The following RGS7 variants were observed in gnomAD, a reference collection of about 807,000 sequenced individuals.
RGS7 encodes regulator of G-protein signaling 7.
RGS7 carries 27 observed loss-of-function variants against 81.1 expected under a neutral mutation model. That is an observed-to-expected ratio of 0.33 (90% CI 0.25 to 0.46). The LOEUF (loss-of-function observed/expected upper bound fraction) is 0.46. Among genes scored for constraint, RGS7 ranks in the 20% least tolerant of loss-of-function variants. The pLI is 1.00. For synonymous variants in RGS7, 208 were observed against 207.7 expected, an observed-to-expected ratio of 1.00 and a Z score of -0.01; for missense variants, 396 against 607.4, an observed-to-expected ratio of 0.65 and a Z score of 3.66.
chr1:241,287,867 A>G (rs775929812), intron 2 of RGS7, among the ~76,000 whole-genome samples: 14 of 152,208 alleles, frequency 9.2e-5, no homozygotes, highest in Non-Finnish European at 1.9e-4. Context: ...TGCAGGGGCC[A>G]TATTTTCTAA....
chr1:241,262,799 C>T (rs187500340), intron 2 of RGS7, among the ~76,000 whole-genome samples: 2 of 152,086 alleles, frequency 1.3e-5, no homozygotes, highest in South Asian at 2.1e-4. Flanking sequence ...CACAATACCT[C>T]ATCTATTTAA....
At chr1:241,199,685 G>GAA (rs35238658) in intron 2 of RGS7, among the ~76,000 whole-genome samples, 25,459 of 138,056 alleles carry the variant, frequency 0.18, 2,840 homozygotes, top group African/African-American at 0.33. Context: ...GTGGCTTCCA[G>GAA]AAAAAAAAAA....
chr1:241,100,081 T>C (rs1048924347), intron 2 of RGS7, among the ~76,000 whole-genome samples: 1 of 152,104 alleles, frequency 6.6e-6, no homozygotes, highest in Non-Finnish European at 1.5e-5. Flanking sequence ...TAATGAATTA[T>C]CAAATTTCCA....
intron 2 of RGS7, among the ~76,000 whole-genome samples, chr1:241,196,731 A>T (rs79254264): frequency 0.018 from 2,688 of 152,202 alleles, 35 homozygotes; most frequent in Non-Finnish European, 0.026. Flanking sequence ...AGTCTTATGG[A>T]TTCTTAAGTA....
intron 3 of RGS7, among the ~76,000 whole-genome samples, chr1:241,024,771 T>A (rs1353802974): frequency 6.6e-6 from 1 of 152,170 alleles, no homozygotes; most frequent in African/African-American, 2.4e-5. Flanking sequence ...TGATTTGAAA[T>A]GCTTATGTAT....
At chr1:240,946,150 T>C (rs1052164606) in intron 4 of RGS7, among the ~76,000 whole-genome samples, 3 of 152,174 alleles carry the variant, frequency 2.0e-5, no homozygotes, top group African/African-American at 7.2e-5. Flanking sequence ...ACAATAACAA[T>C]GAGGCAGGTT....
rs527706096 is a variant in RGS7, at chr1:241,221,431, A to G, written c.79-122669T>C. 1.7e-4 allele frequency among the ~76,000 whole-genome samples: 26 copies of G among 152,264 alleles called. No homozygotes were observed. In the South Asian group the frequency reaches 4.6e-3, roughly 27 times the overall value. ...GAACATTTCCCAGCTTCCTTTGTCC[A>G]TGGATATAGTGACGTGACTGAGAAT... On this transcript the variant is annotated intron_variant, in intron 2 of 18. Coordinates refer to ENST00000440928, the MANE Select transcript of RGS7 (RefSeq NM_001364886.1).
intron 2 of RGS7, among the ~76,000 whole-genome samples, chr1:241,346,800 A>G (rs564672645): frequency 6.7e-4 from 102 of 152,360 alleles, no homozygotes; most frequent in Admixed American, 1.4e-3. Context: ...GTAAACACTC[A>G]ATAATTAACA....
chr1:240,871,389 A>G (rs970384296), intron 6 of RGS7, among the ~76,000 whole-genome samples: 4 of 152,150 alleles, frequency 2.6e-5, no homozygotes, highest in Admixed American at 2.6e-4. Flanking sequence ...TACACAGAAA[A>G]TTTAAGACCG....
At chr1:241,058,043 A>C (rs1398339393) in intron 3 of RGS7, among the ~76,000 whole-genome samples, 1 of 152,120 alleles carries the variant, frequency 6.6e-6, no homozygotes, top group Non-Finnish European at 1.5e-5. Context: ...CTGCCTCTCT[A>C]AAATAATAAT....
intron 3 of RGS7, among the ~76,000 whole-genome samples, chr1:241,084,179 G>A (rs1402711763): frequency 6.6e-6 from 1 of 152,144 alleles, no homozygotes; most frequent in Non-Finnish European, 1.5e-5. Context: ...TTAAGCCTAC[G>A]TTAATTAATC....
At chr1:241,220,975 A>AGAG (rs1232009026) in intron 2 of RGS7, among the ~76,000 whole-genome samples, 3 of 104,136 alleles carry the variant, frequency 2.9e-5, no homozygotes, top group Non-Finnish European at 5.9e-5. Context: ...GGAAGGAAGG[A>AGAG]AGGAAGGAAG....
At chr1:240,949,847 CA>C (rs57421740) in intron 4 of RGS7, among the ~76,000 whole-genome samples, 50 of 91,952 alleles carry the variant, frequency 5.4e-4, no homozygotes, top group African/African-American at 1.7e-3. Flanking sequence ...GACTCTGACT[CA>C]AAAAAAAAAA....
At chr1:241,261,988 A>ATGTTTG (rs1315680488) in intron 2 of RGS7, among the ~76,000 whole-genome samples, 20,232 of 151,682 alleles carry the variant, frequency 0.13, 1,718 homozygotes, top group Admixed American at 0.23. Flanking sequence ...TTGTTTGTTC[A>ATGTTTG]TTTTTTAAGA....
At chr1:241,313,114 G>T (rs963061073) in intron 2 of RGS7, among the ~76,000 whole-genome samples, 2 of 152,202 alleles carry the variant, frequency 1.3e-5, no homozygotes, top group East Asian at 3.8e-4. Context: ...GCAGAGGTTG[G>T]TTCATGAGGT....
chr1:240,801,371 G>T, intron 17 of RGS7, 84 bp downstream of exon 17: 1 of 829,998 alleles, frequency 1.2e-6, no homozygotes, highest in Non-Finnish European at 2.0e-6. Context: ...AGAATGCAAG[G>T]TGGGTAACAG....
At chr1:241,025,883 C>T (rs144676484) in intron 3 of RGS7, among the ~76,000 whole-genome samples, 325 of 152,238 alleles carry the variant, frequency 2.1e-3, no homozygotes, top group African/African-American at 7.6e-3. Context: ...CAGGCTGGTG[C>T]TAAACTGAAT....
intron 2 of RGS7, among the ~76,000 whole-genome samples, chr1:241,240,303 G>A (rs995348760): frequency 1.9e-4 from 29 of 152,306 alleles, no homozygotes; most frequent in African/African-American, 6.3e-4. Flanking sequence ...AACTCAGTGG[G>A]CTGATCCTGC....
chr1:241,275,391 T>C (rs149909424), intron 2 of RGS7, among the ~76,000 whole-genome samples: 76 of 152,332 alleles, frequency 5.0e-4, no homozygotes, highest in African/African-American at 1.8e-3. Flanking sequence ...TTTTCATCCA[T>C]AAAAATATAC....
Sources: gnomAD v4.1 joint callset for allele counts (sites outside exome capture counted in the v4.1 genomes callset) on GRCh38, gnomAD v4.1.1 for gene constraint, MANE v1.5 for transcripts, NCBI Gene and HGNC (gene_info 2026-07-23, HGNC 2026-07-21) for gene names.